The following CELSR1 variants were observed in gnomAD, a reference collection of about 807,000 sequenced individuals.
The protein encoded by CELSR1 is cadherin EGF LAG seven-pass G-type receptor 1, also known as adhesion G protein-coupled receptor C1.
CELSR1 carries 110 observed loss-of-function variants against 249.1 expected under a neutral mutation model. That is an observed-to-expected ratio of 0.44 (90% CI 0.38 to 0.52). The LOEUF (loss-of-function observed/expected upper bound fraction) is 0.52. Ranked by LOEUF, CELSR1 falls within the 20% of genes least tolerant of loss-of-function variation. The probability of loss-of-function intolerance (pLI) is 0.00; values close to 1 mark genes in which losing one functional copy is unlikely to be tolerated. For missense variants in CELSR1, 4,109 were observed against 4,296.4 expected (o/e 0.96, Z 1.22); for synonymous variants, 2,113 against 1,900.0 (o/e 1.11, Z -2.92).
rs573260937 is a variant in CELSR1 at position 46,446,540 on chromosome 22, G to C, written c.4184-7129C>G. 4.6e-4 allele frequency among the ~76,000 whole-genome samples: 70 copies of C among 152,274 alleles called. No individual in the cohort carries two copies. Among genetic ancestry groups the C allele is most frequent in the African/African-American group, 1.6e-3 (67 of 41,556 alleles). ...AGTCTGAGACTGTCAGGCACACAGC[G>C]AGTGCCGAATAAATGCCTGGTGTGT... On this transcript the variant is annotated intron_variant, in intron 2 of 34. Coordinates refer to ENST00000674500, the MANE Select transcript of CELSR1 (RefSeq NM_001378328.1). The surrounding 1 kb of genome is among the most constrained non-coding windows in gnomAD (Gnocchi z 5.5).
chr22:46,394,146 C>T lies in CELSR1; in HGVS notation c.5960G>A (p.Cys1987Tyr). The change falls in exon 14 of 35, where the codon TGC becomes TAC. Residue 1987 changes from cysteine (C) to tyrosine (Y), a missense_variant. Physicochemically the swap from Cys to Tyr is radical, Grantham distance 194. Coordinates refer to ENST00000674500, the MANE Select transcript of CELSR1 (RefSeq NM_001378328.1). ...ATCATGGGGGCGGGGCCTCACCTTGCATTGGCACTGGCCGTTGGTCTTATT... is the reference window on the plus strand; with the variant it reads ...ATCATGGGGGCGGGGCCTCACCTTGTATTGGCACTGGCCGTTGGTCTTATT... ...DCNKTNGQCQCKENYYKLLAQ... is the reference protein window; with the variant it reads ...DCNKTNGQCQYKENYYKLLAQ... The T allele has an allele frequency of 6.2e-7, 1 of 1,613,638 alleles. No homozygotes were observed. The highest frequency in any genetic ancestry group is 8.5e-7 in the Non-Finnish European group (1 of 1,179,700).
intron 1 of CELSR1, among the ~76,000 whole-genome samples, chr22:46,485,945 T>C (rs1307522015): frequency 1.8e-5 from 2 of 108,244 alleles, no homozygotes; most frequent in African/African-American, 5.7e-5. Flanking sequence ...TTTTTTTTTT[T>C]TTTTTTTTTT....
At chr22:46,478,121 G>T (rs897768575) in intron 1 of CELSR1, among the ~76,000 whole-genome samples, 1 of 152,202 alleles carries the variant, frequency 6.6e-6, no homozygotes, top group Admixed American at 6.5e-5. Flanking sequence ...CTCTCAGCAG[G>T]TACCAGGAGC....
chr22:46,454,259 A>G lies in CELSR1; in HGVS notation c.4183+9448T>C, dbSNP rs976313099. ...CAGCCCCGCCCACGCCCCTGAATGCAGGGCTCCTGCCCTCCAGAACAGTAA... is the reference window on the plus strand; with the variant it reads ...CAGCCCCGCCCACGCCCCTGAATGCGGGGCTCCTGCCCTCCAGAACAGTAA... On this transcript the variant is annotated intron_variant, in intron 2 of 34. Transcript: ENST00000674500. The surrounding 1 kb of genome is among the most constrained non-coding windows in gnomAD (Gnocchi z 5.1). Among the ~76,000 whole-genome samples the G allele has an allele frequency of 4.1e-4, 63 of 152,312 alleles. No individual in the cohort carries two copies. Among genetic ancestry groups the G allele is most frequent in the African/African-American group, 1.4e-3 (60 of 41,560 alleles).
At position 46,409,108 on chromosome 22, in the gene CELSR1, A is replaced by G. The variant is rs1602094019; in HGVS notation, c.5114T>C (p.Leu1705Pro). 6.2e-7 allele frequency: 1 copy of G among 1,613,670 alleles called. No individual in the cohort carries two copies. The highest frequency in any genetic ancestry group is 1.1e-5 in the South Asian group (1 of 91,006). The change falls in exon 9 of 35, where the codon CTG becomes CCG. Residue 1705 changes from leucine to proline, a missense_variant. Leu to Pro is a moderately conservative substitution (Grantham distance 98). Coordinates refer to ENST00000674500, the MANE Select transcript of CELSR1 (RefSeq NM_001378328.1). The surrounding 1 kb of genome is among the most constrained non-coding windows in gnomAD (Gnocchi z 9.8). ...SGESVVSWSD[L>P]NIIISVPWYL... ...CCAGGGCACAGAGATGATGATGTTC[A>G]GGTCACTCCAGGACACGACGCTCTC...
intron 28 of CELSR1, 52 bp from the exon 29 acceptor site, chr22:46,367,170 G>A (rs1386741108): frequency 1.3e-6 from 2 of 1,582,122 alleles, no homozygotes; most frequent in Non-Finnish European, 1.7e-6. Context: ...CTAGGCACCT[G>A]CCCTTAGGCG....
chr22:46,421,478 A>C (rs540319670), intron 5 of CELSR1, among the ~76,000 whole-genome samples: 1 of 152,188 alleles, frequency 6.6e-6, no homozygotes, highest in Non-Finnish European at 1.5e-5. Flanking sequence ...TGCCTCCGAG[A>C]ATCACCACGT....
chr22:46,381,093 C>A lies in CELSR1; in HGVS notation c.7089-138G>T, dbSNP rs73462565. ...ATCACACTCCGAGAGCTCGGACCCA[C>A]GGACCCCACAGTATCTTCATCCCTA... On this transcript the variant is annotated intron_variant, in intron 21 of 34. Coordinates refer to ENST00000674500, the MANE Select transcript of CELSR1 (RefSeq NM_001378328.1). The surrounding 1 kb of genome is among the most constrained non-coding windows in gnomAD (Gnocchi z 6.0). 11,040 of 854,488 alleles carry A rather than the reference C, an allele frequency of 0.013. 774 individuals are homozygous for A. In the African/African-American group the frequency reaches 0.15, roughly 12 times the overall value. The allele number at this position is 854,488 out of a possible 1,614,324, so 52.9% of individuals were successfully genotyped here. A position where few individuals can be genotyped will look rare whatever the true frequency, so the allele number is the denominator to read the frequency against.
rs923540505 is a variant in CELSR1, at chr22:46,535,067, C to G, written c.2104G>C (p.Val702Leu). The change falls in exon 1 of 35, where the codon GTG becomes CTG. Residue 702 changes from valine (V) to leucine (L), a missense_variant. Transcript: ENST00000674500. The part of the protein sequence containing the change: ...YELRLNEDAA[V>L]GSSVLTLQAR... ...TGCAGGGTCAGCACGCTGCTCCCCA[C>G]GGCCGCATCCTCATTCAGACGAAGC... 3.1e-6 allele frequency: 5 copies of G among 1,612,494 alleles called. 1 individual carries two copies. Among genetic ancestry groups the G allele is most frequent in the African/African-American group, 2.7e-5 (2 of 75,034 alleles).
intron 1 of CELSR1, among the ~76,000 whole-genome samples, chr22:46,523,913 C>T (rs936545431): frequency 2.6e-5 from 4 of 152,212 alleles, no homozygotes; most frequent in Non-Finnish European, 4.4e-5. Flanking sequence ...CCAGCCTCAG[C>T]CCCTCCCACA....
At chr22:46,504,755 G>A (rs1015838356) in intron 1 of CELSR1, among the ~76,000 whole-genome samples, 6 of 152,170 alleles carry the variant, frequency 3.9e-5, no homozygotes, top group African/African-American at 1.4e-4. Context: ...TATCAAATGT[G>A]AGGTATGCAA....
rs996264084 is a variant in CELSR1 at position 46,442,922 on chromosome 22, G to A, written c.4184-3511C>T. Among the ~76,000 whole-genome samples, 4 of 151,428 alleles carry A rather than the reference G, an allele frequency of 2.6e-5. No individual in the cohort carries two copies. The East Asian group carries it at 5.9e-4, about 22-fold the overall frequency. On this transcript the variant is annotated intron_variant, in intron 2 of 34. Transcript: ENST00000674500. Reference sequence around the variant, plus strand: ...CTGGCTAACACGGTGAAACCCCATCGCTACTAAAAATACAAAAAAAAAAAA... The same window carrying A: ...CTGGCTAACACGGTGAAACCCCATCACTACTAAAAATACAAAAAAAAAAAA...
At chr22:46,439,476 C>T in intron 2 of CELSR1, 65 bp from the exon 3 acceptor site, 1 of 1,380,694 alleles carries the variant, frequency 7.2e-7, no homozygotes, top group Non-Finnish European at 9.9e-7. Flanking sequence ...GCCAACGAGC[C>T]TGTCGCAGAC....
chr22:46,534,663 G>A lies in CELSR1; in HGVS notation c.2508C>T (p.Arg836=), dbSNP rs1180956617. Residue 836 remains arginine, a synonymous_variant, in exon 1 of 35, where the codon CGC becomes CGT. Coordinates refer to ENST00000674500, the MANE Select transcript of CELSR1 (RefSeq NM_001378328.1). This position sits in a 1 kb window ranked among gnomAD's most constrained non-coding sequence, Gnocchi z 9.7. ...ACATGGTGCCACTGTCGGGGTCAAT[G>A]CGGAACTGCGGCACGGGGTCCTGAA... is the stretch of plus-strand genomic sequence containing the variant. ...YVIQDPVPQF[R]IDPDSGTMYT... is the part of the protein sequence containing the mutation. 6.8e-6 allele frequency: 11 copies of A among 1,613,696 alleles called. No individual in the cohort carries two copies. Among genetic ancestry groups the A allele is most frequent in the Non-Finnish European group, 9.3e-6 (11 of 1,180,046 alleles).
chr22:46,365,689 C>T lies in CELSR1; in HGVS notation c.8301G>A (p.Arg2767=). 6.4e-7 allele frequency: 1 copy of T among 1,568,600 alleles called. No homozygotes were observed. Among genetic ancestry groups the T allele is most frequent in the African/African-American group, 1.4e-5 (1 of 73,912 alleles). The change falls in exon 31 of 35, where the codon AGG becomes AGA. Residue 2767 remains arginine (R), a splice_region_variant and synonymous_variant. Transcript: ENST00000674500. ...ESTASLDSIV[R]DEGIQKLGVS... The stretch of plus-strand genomic sequence containing the variant: ...CGCCGAGCTTCTGGATCCCTTCATC[C>T]CTAGAGAGGCCAGGGAGGGTGGGCT...
Position 46,395,011 on chromosome 22 carries a change from C to A in CELSR1, c.5844-749G>T, listed in dbSNP as rs947104353. Among the ~76,000 whole-genome samples the A allele has an allele frequency of 2.0e-5, 3 of 152,318 alleles. No individual in the cohort carries two copies. The East Asian group carries it at 5.8e-4, about 29-fold the overall frequency. On this transcript the variant is annotated intron_variant, in intron 13 of 34. Transcript: ENST00000674500. This position sits in a 1 kb window ranked among gnomAD's most constrained non-coding sequence, Gnocchi z 5.5. ...GCAACGGCCCCGCCCGAGTGTCCTGCGGGCTCCTGCAATCCCCCCTGGCTA... is the reference window on the plus strand; with the variant it reads ...GCAACGGCCCCGCCCGAGTGTCCTGAGGGCTCCTGCAATCCCCCCTGGCTA...
intron 23 of CELSR1, among the ~76,000 whole-genome samples, chr22:46,378,161 G>A (rs1181084297): frequency 2.0e-5 from 3 of 152,354 alleles, no homozygotes; most frequent in Middle Eastern, 3.4e-3. Flanking sequence ...GCTGCCCTGC[G>A]TGTGGCCCCG....
chr22:46,382,971 A>G (rs2078995395), intron 20 of CELSR1, among the ~76,000 whole-genome samples: 1 of 152,182 alleles, frequency 6.6e-6, no homozygotes, highest in African/African-American at 2.4e-5. Flanking sequence ...TTAAACATGA[A>G]TGTATCTGAT....
intron 20 of CELSR1, among the ~76,000 whole-genome samples, chr22:46,382,885 C>T (rs914264913): frequency 6.6e-6 from 1 of 152,140 alleles, no homozygotes; most frequent in Non-Finnish European, 1.5e-5. Flanking sequence ...GCACCAGGGG[C>T]TGGGGAGGAG....
Sources: allele counts gnomAD v4.1 joint callset (sites outside exome capture counted in the v4.1 genomes callset), GRCh38; gene constraint gnomAD v4.1.1; non-coding constraint Gnocchi (gnomAD v3.1); transcripts MANE v1.5; gene names NCBI Gene and HGNC (gene_info 2026-07-23, HGNC 2026-07-21).